The following ALDH1A2 variants were observed in gnomAD, a reference collection of about 807,000 sequenced individuals.
ALDH1A2 encodes the protein aldehyde dehydrogenase 1 family member A2.
In ALDH1A2, 27 loss-of-function variants were observed where a neutral mutation model predicts 60.3. That is an observed-to-expected ratio of 0.45 (90% confidence interval 0.33 to 0.62). ALDH1A2 has a LOEUF of 0.62. Among genes scored for constraint, ALDH1A2 ranks in the 20% least tolerant of loss-of-function variants. The probability of loss-of-function intolerance (pLI) is 0.02; values close to 1 mark genes in which losing one functional copy is unlikely to be tolerated. For synonymous variants in ALDH1A2, 289 were observed against 232.4 expected (o/e 1.24, Z -2.21); for missense variants, 581 against 643.8 (o/e 0.90, Z 1.06).
chr15:58,014,347 T>C (rs1008718194), intron 1 of ALDH1A2, 66 bp from the exon 2 acceptor site: 49 of 1,212,070 alleles, frequency 4.0e-5, no homozygotes, highest in Non-Finnish European at 5.6e-5. Flanking sequence ...AACGGCCAAG[T>C]GTTACGGAAC....
intron 7 of ALDH1A2, among the ~76,000 whole-genome samples, chr15:57,973,542 T>A (rs1305708799): frequency 6.6e-6 from 1 of 152,202 alleles, no homozygotes; most frequent in African/African-American, 2.4e-5. Context: ...CCTGCAAAGT[T>A]AGAATAAATG....
At chr15:58,028,633 G>A (rs1249138597) in intron 1 of ALDH1A2, among the ~76,000 whole-genome samples, 8 of 152,154 alleles carry the variant, frequency 5.3e-5, no homozygotes, top group Admixed American at 4.6e-4. Context: ...AGACCCATAA[G>A]TATGCTGTAT....
intron 7 of ALDH1A2, among the ~76,000 whole-genome samples, chr15:57,982,161 C>G (rs1053143262): frequency 1.3e-5 from 2 of 152,236 alleles, no homozygotes; most frequent in African/African-American, 4.8e-5. Flanking sequence ...CAAACACACT[C>G]TTTCTGGGGA....
chr15:57,986,634 G>A (rs920438441), intron 7 of ALDH1A2, among the ~76,000 whole-genome samples: 8 of 144,946 alleles, frequency 5.5e-5, no homozygotes, highest in African/African-American at 1.0e-4. Context: ...ATTCAGAGAC[G>A]ACAGAGAAGT....
intron 1 of ALDH1A2, among the ~76,000 whole-genome samples, chr15:58,021,535 C>A (rs1456468137): frequency 3.9e-5 from 6 of 152,154 alleles, no homozygotes; most frequent in Admixed American, 3.9e-4. Flanking sequence ...TCCTCCCAAG[C>A]CCCGAAACTA....
At chr15:58,006,705 C>CT (rs57137492) in intron 4 of ALDH1A2, among the ~76,000 whole-genome samples, 60,959 of 138,546 alleles carry the variant, frequency 0.44, 14,301 homozygotes, top group South Asian at 0.71. Flanking sequence ...AAATTATGGA[C>CT]TTTTTTTTTT....
At chr15:58,046,181 A>G (rs1216630787) in intron 1 of ALDH1A2, among the ~76,000 whole-genome samples, 1 of 152,080 alleles carries the variant, frequency 6.6e-6, no homozygotes, top group Non-Finnish European at 1.5e-5. Flanking sequence ...CAAGGAAGGT[A>G]GTCTGACATG....
chr15:57,973,874 A>T (rs898453897), intron 7 of ALDH1A2, among the ~76,000 whole-genome samples: 1 of 152,250 alleles, frequency 6.6e-6, no homozygotes, highest in East Asian at 1.9e-4. Context: ...ACACTGTAAT[A>T]GGCTACTTAA....
intron 1 of ALDH1A2, among the ~76,000 whole-genome samples, chr15:58,059,781 T>A (rs939107885): frequency 4.6e-5 from 7 of 152,162 alleles, no homozygotes; most frequent in African/African-American, 1.7e-4. Flanking sequence ...GGAATCCCAT[T>A]TGGTAAAAAC....
chr15:58,063,280 T>C (rs569036220), intron 1 of ALDH1A2, among the ~76,000 whole-genome samples: 1 of 152,338 alleles, frequency 6.6e-6, no homozygotes, highest in Admixed American at 6.5e-5. Flanking sequence ...ATGCAAATAT[T>C]GTGTTTCTTT....
intron 1 of ALDH1A2, among the ~76,000 whole-genome samples, chr15:58,026,802 A>G (rs1896092137): frequency 6.6e-6 from 1 of 152,206 alleles, no homozygotes; most frequent in Non-Finnish European, 1.5e-5. Context: ...CCAAGGCTGC[A>G]GCCTGGTCGG....
intron 5 of ALDH1A2, among the ~76,000 whole-genome samples, chr15:57,993,682 T>C (rs1383973162): frequency 4.6e-5 from 7 of 152,218 alleles, no homozygotes; most frequent in Non-Finnish European, 1.5e-5. Flanking sequence ...AACATTTACA[T>C]GAGTAGATGA....
intron 1 of ALDH1A2, among the ~76,000 whole-genome samples, chr15:58,022,966 T>C (rs1895972872): frequency 6.6e-6 from 1 of 152,050 alleles, no homozygotes; most frequent in Admixed American, 6.5e-5. Context: ...ATATGACACC[T>C]CCAAAGGAAC....
At chr15:58,038,360 C>G (rs1896429210) in intron 1 of ALDH1A2, among the ~76,000 whole-genome samples, 1 of 151,642 alleles carries the variant, frequency 6.6e-6, no homozygotes, top group Non-Finnish European at 1.5e-5. Context: ...TGCCAGTCAT[C>G]CCAAGAGACA....
intron 1 of ALDH1A2, among the ~76,000 whole-genome samples, chr15:58,047,207 C>G (rs1595688835): frequency 6.6e-6 from 1 of 151,914 alleles, no homozygotes; most frequent in African/African-American, 2.4e-5. Flanking sequence ...TGACATAAAG[C>G]TGCCATGTTT....
In ALDH1A2 at chr15:57,955,224, T is replaced by G. The variant is rs757964816; in HGVS notation, c.1530A>C (p.Thr510=). The part of the protein sequence containing the change: ...LREYSEVKTV[T]VKIPQKNS ...AGGAGTTCTTCTGGGGGATCTTTACTGTCACCGTCTTAACTTCTGAGTACT... is the reference window on the plus strand; with the variant it reads ...AGGAGTTCTTCTGGGGGATCTTTACGGTCACCGTCTTAACTTCTGAGTACT... Residue 510 remains threonine, a synonymous_variant, in exon 13 of 13, where the codon ACA becomes ACC. Transcript: ENST00000249750. 2 of 1,614,136 alleles carry G rather than the reference T, an allele frequency of 1.2e-6. No homozygotes were observed. The highest frequency in any genetic ancestry group is 1.7e-6 in the Non-Finnish European group (2 of 1,180,022).
rs1270340300 is a variant in ALDH1A2 at position 57,999,919 on chromosome 15, A to T, written c.494-4780T>A. On this transcript the variant is annotated intron_variant, in intron 4 of 12. Coordinates refer to ENST00000249750, the MANE Select transcript of ALDH1A2 (RefSeq NM_003888.4). ...TGGGATCATGACCTTTGCAGGGACA[A>T]TAGATGGAGCTGGAAGCCATTAACA... Among the ~76,000 whole-genome samples the T allele has an allele frequency of 3.3e-5, 5 of 152,074 alleles. No individual in the cohort carries two copies. In the East Asian group the frequency reaches 9.7e-4, roughly 29 times the overall value.
intron 1 of ALDH1A2, among the ~76,000 whole-genome samples, chr15:58,030,900 G>C (rs183923933): frequency 6.6e-6 from 1 of 152,102 alleles, no homozygotes; most frequent in African/African-American, 2.4e-5. Flanking sequence ...ACAGACGGAA[G>C]AACATTCCAT....
intron 1 of ALDH1A2, among the ~76,000 whole-genome samples, chr15:58,046,352 G>A (rs1896640302): frequency 6.6e-6 from 1 of 152,068 alleles, no homozygotes; most frequent in Non-Finnish European, 1.5e-5. Context: ...GTTCCCCCAA[G>A]ACAGGTGTAG....
Sources: allele counts gnomAD v4.1 joint callset (sites outside exome capture counted in the v4.1 genomes callset), GRCh38; gene constraint gnomAD v4.1.1; transcripts MANE v1.5; gene names NCBI Gene and HGNC (gene_info 2026-07-23, HGNC 2026-07-21).